The following MACC1 variants were observed in gnomAD, a reference collection of about 807,000 sequenced individuals.
MACC1 encodes MET transcriptional regulator MACC1, also known as metastasis-associated in colon cancer protein 1.
A neutral mutation model predicts 70.7 loss-of-function variants in MACC1; 79 were observed. That is an observed-to-expected ratio of 1.12 (90% CI 0.93 to 1.35). The LOEUF (loss-of-function observed/expected upper bound fraction) is 1.35. Ranked by LOEUF, MACC1 falls within the 40% of genes most tolerant of loss-of-function variation. The probability of loss-of-function intolerance (pLI) is 0.00; values close to 1 mark genes in which losing one functional copy is unlikely to be tolerated. For missense variants in MACC1, 1,106 were observed against 978.1 expected (o/e 1.13, Z -1.74); for synonymous variants, 361 against 347.2 (o/e 1.04, Z -0.44).
intron 1 of MACC1, among the ~76,000 whole-genome samples, chr7:20,187,806 C>T (rs1782611666): frequency 6.6e-6 from 1 of 152,190 alleles, no homozygotes; most frequent in Non-Finnish European, 1.5e-5. Context: ...GAATCTCCAA[C>T]ACCCTTCTCT....
At chr7:20,190,324 G>C (rs2128106978) in intron 1 of MACC1, among the ~76,000 whole-genome samples, 1 of 152,112 alleles carries the variant, frequency 6.6e-6, no homozygotes, top group East Asian at 1.9e-4. Context: ...GTTTAATTTT[G>C]AACAGTTTTC....
intron 1 of MACC1, among the ~76,000 whole-genome samples, chr7:20,175,273 T>C (rs908685349): frequency 6.6e-6 from 1 of 152,110 alleles, no homozygotes; most frequent in African/African-American, 2.4e-5. Flanking sequence ...CTATCCATTA[T>C]TCCAACAACC....
rs1051743875 is a variant in MACC1 at position 20,136,830 on chromosome 7, G to T, written c.*4116C>A. On this transcript the variant is annotated 3_prime_UTR_variant, in exon 7 of 7. Coordinates refer to ENST00000400331, the MANE Select transcript of MACC1 (RefSeq NM_182762.4). ...ATTATTATTAATTCTTAAAGATTAAGATTATTATTAATTATTAATTGTAAT... is the reference window on the plus strand; with the variant it reads ...ATTATTATTAATTCTTAAAGATTAATATTATTATTAATTATTAATTGTAAT... 2 of 149,334 alleles carry T rather than the reference G, an allele frequency of 1.3e-5. No homozygotes were observed. Among genetic ancestry groups the T allele is most frequent in the African/African-American group, 4.9e-5 (2 of 40,902 alleles). The allele number at this position is 149,334 out of a possible 1,614,324, so 9.3% of individuals were successfully genotyped here.
intron 1 of MACC1, among the ~76,000 whole-genome samples, chr7:20,177,690 T>C (rs1782416665): frequency 6.6e-6 from 1 of 151,232 alleles, no homozygotes; most frequent in Non-Finnish European, 1.5e-5. Flanking sequence ...ATGATGCATA[T>C]GCAATTAATT....
At chr7:20,167,416 G>C (rs148725501) in intron 2 of MACC1, among the ~76,000 whole-genome samples, 1,658 of 151,604 alleles carry the variant, frequency 0.011, 44 homozygotes, top group African/African-American at 0.038. Context: ...GGCTGGTCTC[G>C]AACTCCTGAG....
At chr7:20,214,915 C>T (rs1051418854) in intron 1 of MACC1, among the ~76,000 whole-genome samples, 1 of 152,124 alleles carries the variant, frequency 6.6e-6, no homozygotes, top group Non-Finnish European at 1.5e-5. Flanking sequence ...CTCAACTCTG[C>T]ACATTTTTCC....
chr7:20,161,308 G>C (rs1387166174), intron 4 of MACC1, among the ~76,000 whole-genome samples: 1 of 151,966 alleles, frequency 6.6e-6, no homozygotes, highest in African/African-American at 2.4e-5. Context: ...GTTTTTAAGT[G>C]TTATATGCTA....
chr7:20,162,699 A>C (rs1038853414), intron 3 of MACC1, among the ~76,000 whole-genome samples: 3 of 152,192 alleles, frequency 2.0e-5, no homozygotes, highest in South Asian at 2.1e-4. Flanking sequence ...ATTATTCATT[A>C]AACAGTGATG....
intron 5 of MACC1, among the ~76,000 whole-genome samples, chr7:20,155,420 AC>A (rs1360913290): frequency 6.6e-6 from 1 of 152,206 alleles, no homozygotes; most frequent in Admixed American, 6.5e-5. Context: ...ATAAAATATA[AC>A]GATCATAACA....
At chr7:20,212,983 A>G (rs1783020743) in intron 1 of MACC1, among the ~76,000 whole-genome samples, 2 of 152,164 alleles carry the variant, frequency 1.3e-5, no homozygotes, top group Non-Finnish European at 2.9e-5. Context: ...AAGAAGCTGT[A>G]TGGTCATGTT....
intron 1 of MACC1, among the ~76,000 whole-genome samples, chr7:20,180,089 G>C (rs958404285): frequency 3.9e-5 from 6 of 152,156 alleles, no homozygotes; most frequent in African/African-American, 1.4e-4. Context: ...TAAAATTCTT[G>C]CCTTGTTCAG....
Position 20,159,168 on chromosome 7 carries a change from C to T in MACC1, c.1193G>A (p.Gly398Glu). The T allele has an allele frequency of 1.2e-6, 2 of 1,613,998 alleles. No homozygotes were observed. Among genetic ancestry groups the T allele is most frequent in the Non-Finnish European group, 1.7e-6 (2 of 1,180,000 alleles). The change falls in exon 5 of 7, where the codon GGA becomes GAA. Residue 398 changes from glycine to glutamate, a missense_variant. By Grantham distance (98) the Gly-to-Glu change is moderately conservative. Coordinates refer to ENST00000400331, the MANE Select transcript of MACC1 (RefSeq NM_182762.4). Reference protein sequence around the residue: ...LTVCGHNYMPGQLTISDIKKG... With the variant: ...LTVCGHNYMPEQLTISDIKKG... ...CTTAATATCAGAAATTGTAAGCTGT[C>T]CTGGCATATAATTGTGTCCACAAAC...
intron 1 of MACC1, among the ~76,000 whole-genome samples, chr7:20,190,958 G>T (rs1381043069): frequency 1.3e-5 from 2 of 152,178 alleles, no homozygotes; most frequent in Non-Finnish European, 2.9e-5. Context: ...TAAAAACACA[G>T]AAACAAAGCA....
intron 1 of MACC1, among the ~76,000 whole-genome samples, chr7:20,211,439 T>C (rs1333023979): frequency 6.6e-6 from 1 of 152,100 alleles, no homozygotes; most frequent in Non-Finnish European, 1.5e-5. Flanking sequence ...TTAATACCTG[T>C]GGAAAAGTCA....
In MACC1 at chr7:20,140,966, A is replaced by G; in HGVS notation, c.2539T>C (p.Ser847Pro). 1 of 1,612,970 alleles carries G rather than the reference A, an allele frequency of 6.2e-7. No homozygotes were observed. Among genetic ancestry groups the G allele is most frequent in the African/African-American group, 1.3e-5 (1 of 75,000 alleles). The change falls in exon 7 of 7, where the codon TCC becomes CCC. Residue 847 changes from serine (S) to proline (P), a missense_variant. Coordinates refer to ENST00000400331, the MANE Select transcript of MACC1 (RefSeq NM_182762.4). The stretch of plus-strand genomic sequence containing the variant: ...TGTTTCTATACTTCCTCAGAAGTGG[A>G]GAATGCAGTTACTCTCAAAACCTCC... ...SLEVLRVTAF[S>P]TSEEV is the part of the protein sequence containing the mutation.
At chr7:20,143,961 A>G (rs1781848960) in intron 6 of MACC1, among the ~76,000 whole-genome samples, 1 of 152,216 alleles carries the variant, frequency 6.6e-6, no homozygotes, top group Non-Finnish European at 1.5e-5. Flanking sequence ...TTTACGATTT[A>G]CACTAAAATA....
intron 6 of MACC1, among the ~76,000 whole-genome samples, chr7:20,143,941 G>A (rs766568741): frequency 2.0e-4 from 31 of 152,102 alleles, no homozygotes; most frequent in Non-Finnish European, 3.8e-4. Flanking sequence ...ACAATAGGGC[G>A]TTGGTAAACT....
chr7:20,200,073 ATATG>A (rs1423854729), intron 1 of MACC1, among the ~76,000 whole-genome samples: 1 of 151,898 alleles, frequency 6.6e-6, no homozygotes, highest in Non-Finnish European at 1.5e-5. Flanking sequence ...ACATACATAT[ATATG>A]TATTTCCTTT....
At chr7:20,166,690 C>T (rs529318943) in intron 2 of MACC1, among the ~76,000 whole-genome samples, 2 of 152,280 alleles carry the variant, frequency 1.3e-5, no homozygotes, top group Admixed American at 1.3e-4. Flanking sequence ...GTGCATTAAG[C>T]GGTATTAGAA....
Sources: gnomAD v4.1 joint callset for allele counts (sites outside exome capture counted in the v4.1 genomes callset) on GRCh38, gnomAD v4.1.1 for gene constraint, MANE v1.5 for transcripts, NCBI Gene and HGNC (gene_info 2026-07-23, HGNC 2026-07-21) for gene names.